Variants in SYN3 observed in about 807,000 individuals in gnomAD.
The protein encoded by SYN3 is synapsin-3.
In SYN3, 35 loss-of-function variants were observed where a neutral mutation model predicts 65.8. That is an observed-to-expected ratio of 0.53 (90% CI 0.41 to 0.70). SYN3 has a LOEUF of 0.70. SYN3 is among the 30% of genes least tolerant of loss of function. The pLI, the probability that SYN3 is intolerant of heterozygous loss-of-function variation, is 0.00. For missense variants in SYN3, 680 were observed against 749.0 expected (o/e 0.91, Z 1.08); for synonymous variants, 270 against 292.9 (o/e 0.92, Z 0.80).
chr22:32,762,628 G>GT (rs1342382999), intron 6 of SYN3, among the ~76,000 whole-genome samples: 6 of 122,896 alleles, frequency 4.9e-5, no homozygotes, highest in East Asian at 2.4e-4. Context: ...GGCCAGGGTC[G>GT]CGAAACCCAG....
At chr22:32,813,191 G>A (rs2046959448) in intron 6 of SYN3, among the ~76,000 whole-genome samples, 1 of 152,086 alleles carries the variant, frequency 6.6e-6, no homozygotes, top group African/African-American at 2.4e-5. Context: ...CCATTCTCTT[G>A]GTTTCCATTT....
At chr22:32,567,487 T>C (rs1349139743) in intron 7 of SYN3, among the ~76,000 whole-genome samples, 1 of 152,064 alleles carries the variant, frequency 6.6e-6, no homozygotes, top group African/African-American at 2.4e-5. Context: ...ATGGAGCTTA[T>C]GGCAATGGTT....
intron 6 of SYN3, among the ~76,000 whole-genome samples, chr22:32,650,208 C>CTTTTCT (rs1432811837): frequency 3.5e-5 from 5 of 141,514 alleles, no homozygotes; most frequent in South Asian, 2.2e-4. Flanking sequence ...GCTCTTTACA[C>CTTTTCT]TTTTCTTTCT....
chr22:32,938,316 C>A (rs2146736936), intron 3 of SYN3, among the ~76,000 whole-genome samples: 1 of 150,342 alleles, frequency 6.7e-6, no homozygotes, highest in East Asian at 2.0e-4. Flanking sequence ...ATCACAAGGT[C>A]AGGAGATCAA....
At chr22:32,792,746 A>G (rs948342917) in intron 6 of SYN3, among the ~76,000 whole-genome samples, 2 of 152,192 alleles carry the variant, frequency 1.3e-5, no homozygotes, top group Non-Finnish European at 2.9e-5. Context: ...AGAGGTAGGT[A>G]CTATGCTTTT....
chr22:33,043,302 G>T (rs775208075), intron 1 of SYN3, among the ~76,000 whole-genome samples: 26 of 152,062 alleles, frequency 1.7e-4, no homozygotes, highest in Non-Finnish European at 1.0e-4. Context: ...AATCCCAGCA[G>T]TTTGGGAGGC....
intron 7 of SYN3, among the ~76,000 whole-genome samples, chr22:32,581,752 T>TTTTTTC (rs1186784259): frequency 1.3e-3 from 187 of 146,868 alleles, no homozygotes; most frequent in African/African-American, 4.5e-3. Context: ...AATTGATTCT[T>TTTTTTC]TTTTTCTTTT....
At chr22:33,041,300 T>TA (rs2053960279) in intron 1 of SYN3, among the ~76,000 whole-genome samples, 1 of 149,788 alleles carries the variant, frequency 6.7e-6, no homozygotes, top group Non-Finnish European at 1.5e-5. Context: ...CTTTCTTTTT[T>TA]TTTTTTTTTG....
In SYN3 at chr22:32,626,865, C is replaced by G. The variant is rs139991806; in HGVS notation, c.712-30129G>C. On this transcript the variant is annotated intron_variant, in intron 6 of 13. Coordinates refer to ENST00000358763, the MANE Select transcript of SYN3 (RefSeq NM_003490.4). ...GGTATTTGGTGAATGTGTGTTGAAA[C>G]GATGAAAATGTTGACTTCTACCTAG... Among the ~76,000 whole-genome samples, 1,336 of 152,240 alleles carry G rather than the reference C, an allele frequency of 8.8e-3. 17 individuals carry two copies. Among genetic ancestry groups the G allele is most frequent in the African/African-American group, 0.031 (1,293 of 41,526 alleles).
At chr22:32,781,042 CCCCTCCCTCCCTCCCTCCCTTCCT>C (rs1453300562) in intron 6 of SYN3, among the ~76,000 whole-genome samples, 2 of 90,614 alleles carry the variant, frequency 2.2e-5, no homozygotes. Flanking sequence ...TTCTTTCTTT[CCCCTCCCTCCCTCCCTCCCTTCCT>C]CCCTCCCTCC....
intron 6 of SYN3, among the ~76,000 whole-genome samples, chr22:32,668,220 G>C (rs1016804606): frequency 6.6e-6 from 1 of 152,226 alleles, no homozygotes; most frequent in Non-Finnish European, 1.5e-5. Flanking sequence ...TACATGAAGA[G>C]TGTAAATTAG....
At chr22:33,028,618 A>T (rs1024531250) in intron 1 of SYN3, among the ~76,000 whole-genome samples, 5 of 129,628 alleles carry the variant, frequency 3.9e-5, no homozygotes, top group Non-Finnish European at 6.6e-5. Flanking sequence ...GGCACAGCCC[A>T]CTAGGAAGTA....
At chr22:32,787,034 CT>C (rs1420104648) in intron 6 of SYN3, among the ~76,000 whole-genome samples, 37 of 144,046 alleles carry the variant, frequency 2.6e-4, no homozygotes, top group African/African-American at 9.5e-4. Flanking sequence ...GTGCCAACTT[CT>C]TTTTTTTCCT....
At chr22:32,848,964 C>T (rs2048144113) in intron 6 of SYN3, among the ~76,000 whole-genome samples, 1 of 152,120 alleles carries the variant, frequency 6.6e-6, no homozygotes, top group Non-Finnish European at 1.5e-5. Flanking sequence ...TAGGGTGCAC[C>T]ACAACCCTGT....
At chr22:32,973,713 CCTCTATCACCCATTT>C (rs2052093973) in intron 3 of SYN3, among the ~76,000 whole-genome samples, 1 of 152,228 alleles carries the variant, frequency 6.6e-6, no homozygotes, top group African/African-American at 2.4e-5. Flanking sequence ...TCAGATTCCT[CCTCTATCACCCATTT>C]CTGCTGCTTG....
At chr22:32,966,721 T>A (rs2051857574) in intron 3 of SYN3, among the ~76,000 whole-genome samples, 1 of 152,082 alleles carries the variant, frequency 6.6e-6, no homozygotes, top group Non-Finnish European at 1.5e-5. Context: ...TTGAGACCAG[T>A]CTGGGCAATA....
At chr22:32,702,229 G>A (rs989109323) in intron 6 of SYN3, among the ~76,000 whole-genome samples, 1 of 152,208 alleles carries the variant, frequency 6.6e-6, no homozygotes, top group African/African-American at 2.4e-5. Flanking sequence ...TGTAATCCCA[G>A]CACTTTGGGA....
intron 7 of SYN3, among the ~76,000 whole-genome samples, chr22:32,546,345 C>T (rs2058335562): frequency 6.6e-6 from 1 of 152,126 alleles, no homozygotes; most frequent in Admixed American, 6.5e-5. Context: ...GGGCAAGAAA[C>T]TAGAAGGAAA....
At chr22:32,909,326 G>A (rs550592928) in intron 4 of SYN3, among the ~76,000 whole-genome samples, 1 of 152,288 alleles carries the variant, frequency 6.6e-6, no homozygotes, top group Admixed American at 6.5e-5. Context: ...ACCATTAGCT[G>A]TGTGACCCTG....
Sources: gnomAD v4.1 joint callset for allele counts (sites outside exome capture counted in the v4.1 genomes callset) on GRCh38, gnomAD v4.1.1 for gene constraint, MANE v1.5 for transcripts, NCBI Gene and HGNC (gene_info 2026-07-23, HGNC 2026-07-21) for gene names.